PON2: variants seen among roughly 807,000 people sequenced by gnomAD.
PON2 encodes the protein serum paraoxonase/arylesterase 2.
In PON2, 27 loss-of-function variants were observed where a neutral mutation model predicts 36.6. That is an observed-to-expected ratio of 0.74 (90% CI 0.54 to 1.02). PON2 has a LOEUF of 1.02. Ranked by LOEUF, PON2 falls within the 50% of genes least tolerant of loss-of-function variation. PON2 has a pLI of 0.00. For missense variants in PON2, 363 were observed against 421.1 expected, an observed-to-expected ratio of 0.86 and a Z score of 1.21; for synonymous variants, 149 against 156.3, an observed-to-expected ratio of 0.95 and a Z score of 0.35.
At chr7:95,427,682 T>G (rs1789347558) in intron 1 of PON2, among the ~76,000 whole-genome samples, 1 of 152,210 alleles carries the variant, frequency 6.6e-6, no homozygotes, top group Non-Finnish European at 1.5e-5. Flanking sequence ...AGCTCTATAT[T>G]GGGTCACCCA....
intron 1 of PON2, among the ~76,000 whole-genome samples, chr7:95,425,930 G>C (rs550328786): frequency 6.6e-6 from 1 of 151,796 alleles, no homozygotes; most frequent in East Asian, 1.9e-4. Context: ...TTTAAATAAG[G>C]CATTAAAAAA....
At chr7:95,427,968 T>C (rs1016416574) in intron 1 of PON2, among the ~76,000 whole-genome samples, 35 of 152,208 alleles carry the variant, frequency 2.3e-4, no homozygotes, top group South Asian at 1.2e-3. Flanking sequence ...ACTCTTTACT[T>C]TTGCTAGAGC....
At chr7:95,427,706 CATGTGAGGAAA>C in intron 1 of PON2, among the ~76,000 whole-genome samples, 1 of 152,132 alleles carries the variant, frequency 6.6e-6, no homozygotes, top group Middle Eastern at 3.2e-3. Context: ...AGCTGTTTTT[CATGTGAGGAAA>C]ATAAATCCCT....
chr7:95,417,095 GC>G (rs5885910), intron 2 of PON2, among the ~76,000 whole-genome samples: 8,606 of 152,202 alleles, frequency 0.057, 331 homozygotes, highest in Middle Eastern at 0.14. Flanking sequence ...CTTAGATTAA[GC>G]CAAACCATGA....
Position 95,405,389 on chromosome 7 carries a change from A to C in PON2, c.1006T>G (p.Tyr336Asp). The change falls in exon 9 of 9, where the codon TAT becomes GAT. Residue 336 changes from tyrosine to aspartate, a missense_variant. Coordinates refer to ENST00000222572, the MANE Select transcript of PON2 (RefSeq NM_000305.3). Reference sequence around the variant, plus strand: ...GTGCCTATGAGCAGCTTCCCATCATACACTGAGGCTACAGAACTTCCTTGG... The same window carrying C: ...GTGCCTATGAGCAGCTTCCCATCATCCACTGAGGCTACAGAACTTCCTTGG... ...VLQGSSVASV[Y>D]DGKLLIGTLY... 6.2e-7 allele frequency: 1 copy of C among 1,613,980 alleles called. No homozygotes were observed. The highest frequency in any genetic ancestry group is 8.5e-7 in the Non-Finnish European group (1 of 1,179,856).
Position 95,409,986 on chromosome 7 carries a change from CAT to C in PON2, c.608_609del (p.Asn203SerfsTer8), listed in dbSNP as rs1331762307. 6.2e-7 allele frequency: 1 copy of C among 1,613,712 alleles called. No individual in the cohort carries two copies. The highest frequency in any genetic ancestry group is 1.7e-5 in the Admixed American group (1 of 59,986). On this transcript the variant is annotated frameshift_variant, in exon 6 of 9. Transcript: ENST00000222572. LOFTEE classifies it high-confidence loss of function. ...ACTTCATTTGGACTGTAGTAAACAA[CAT>C]TTGCCCAGTGTAAGTTCAAGTATGT... ...LETYLNLHWA[N>X]VVYYSPNEVK...
At chr7:95,421,146 A>G (rs1435188330) in intron 2 of PON2, among the ~76,000 whole-genome samples, 3 of 152,128 alleles carry the variant, frequency 2.0e-5, no homozygotes, top group African/African-American at 7.2e-5. Flanking sequence ...ATTCTTTCCA[A>G]TTCCAGACAG....
In PON2 at chr7:95,407,088, T is replaced by C. The variant is rs1240572139; in HGVS notation, c.696-20A>G. 1 of 1,458,794 alleles carries C rather than the reference T, an allele frequency of 6.9e-7. No individual in the cohort carries two copies. The highest frequency in any genetic ancestry group is 9.6e-7 in the Non-Finnish European group (1 of 1,040,200). The allele number at this position is 1,458,794 out of a possible 1,614,324, so 90.4% of individuals were successfully genotyped here. A position where few individuals can be genotyped will look rare whatever the true frequency, so the allele number is the denominator to read the frequency against. The stretch of plus-strand genomic sequence containing the variant: ...ATATACCTTTGCAGAAAGGACACAG[T>C]GGTTAGAGCTCCATGCCAATATAAA... On this transcript the variant is annotated intron_variant, in intron 6 of 8. Transcript: ENST00000222572.
chr7:95,426,149 T>A (rs1214090977), intron 1 of PON2, among the ~76,000 whole-genome samples: 2 of 152,122 alleles, frequency 1.3e-5, no homozygotes, highest in Non-Finnish European at 1.5e-5. Context: ...GGTACTATAC[T>A]CACTACCTGG....
intron 6 of PON2, among the ~76,000 whole-genome samples, chr7:95,407,705 A>G (rs1809740159): frequency 6.6e-6 from 1 of 152,214 alleles, no homozygotes; most frequent in Admixed American, 6.5e-5. Context: ...TGAAGAAGAC[A>G]CAGCCTCTCT....
chr7:95,434,520 A>G (rs1283260063), intron 1 of PON2, among the ~76,000 whole-genome samples: 1 of 152,258 alleles, frequency 6.6e-6, no homozygotes, highest in Non-Finnish European at 1.5e-5. Flanking sequence ...TAAGGTTTCA[A>G]TGCATGAGTA....
intron 1 of PON2, among the ~76,000 whole-genome samples, chr7:95,426,665 C>G (rs931309131): frequency 3.3e-5 from 5 of 152,212 alleles, no homozygotes; most frequent in African/African-American, 7.2e-5. Flanking sequence ...AGGTGTCAGT[C>G]TTCTTTATGG....
At chr7:95,411,952 T>A (rs1788938232) in intron 4 of PON2, among the ~76,000 whole-genome samples, 173 bp from the exon 5 acceptor site, 1 of 152,230 alleles carries the variant, frequency 6.6e-6, no homozygotes, top group South Asian at 2.1e-4. Flanking sequence ...TTATTTCTGA[T>A]CATTGGCTCC....
chr7:95,413,654 G>A (rs1259877831), intron 3 of PON2, among the ~76,000 whole-genome samples: 4 of 152,032 alleles, frequency 2.6e-5, no homozygotes, highest in African/African-American at 9.7e-5. Flanking sequence ...ACATTCTTAA[G>A]GTAAAGCCTT....
chr7:95,423,964 G>A (rs535515800), intron 2 of PON2, among the ~76,000 whole-genome samples: 1 of 152,236 alleles, frequency 6.6e-6, no homozygotes, highest in South Asian at 2.1e-4. Flanking sequence ...GAGAACAGCA[G>A]CACAGGGTAA....
chr7:95,432,097 G>A (rs920787623), intron 1 of PON2, among the ~76,000 whole-genome samples: 5 of 152,206 alleles, frequency 3.3e-5, no homozygotes, highest in South Asian at 2.1e-4. Flanking sequence ...TCACAGTCAC[G>A]TAAAGAAAAG....
intron 2 of PON2, among the ~76,000 whole-genome samples, chr7:95,418,596 T>C (rs1025564676): frequency 3.3e-5 from 5 of 152,248 alleles, no homozygotes; most frequent in Non-Finnish European, 7.3e-5. Context: ...CCTGCACTTT[T>C]CTTTAAAACC....
At chr7:95,434,576 T>C (rs1328317470) in intron 1 of PON2, among the ~76,000 whole-genome samples, 3 of 152,262 alleles carry the variant, frequency 2.0e-5, no homozygotes, top group East Asian at 3.8e-4. Context: ...CCTTGGGTAA[T>C]TGCAAAGCAT....
Position 95,416,235 on chromosome 7 carries a change from C to T in PON2, c.201+7G>A. The T allele has an allele frequency of 6.2e-7, 1 of 1,611,062 alleles. No homozygotes were observed. The highest frequency in any genetic ancestry group is 8.5e-7 in the Non-Finnish European group (1 of 1,177,304). On this transcript the variant is annotated splice_region_variant and intron_variant, in intron 3 of 8. Transcript: ENST00000222572. ...TGCTGAATTTGGGGAAGGAAGAAGA[C>T]ACTCACCACACTAAAAAAAGCCAGA...
Sources: gnomAD v4.1 joint callset for allele counts (sites outside exome capture counted in the v4.1 genomes callset) on GRCh38, gnomAD v4.1.1 for gene constraint, MANE v1.5 for transcripts, NCBI Gene and HGNC (gene_info 2026-07-23, HGNC 2026-07-21) for gene names.